Variants in PDCD6 observed in about 807,000 individuals in gnomAD.
PDCD6 encodes programmed cell death protein 6.
In PDCD6, 12 loss-of-function variants were observed where a neutral mutation model predicts 28.3. The ratio of observed to expected loss-of-function variants is 0.42; its 90% CI spans 0.27 to 0.69. The LOEUF (loss-of-function observed/expected upper bound fraction) is 0.69, where lower values mean the gene tolerates loss of function less well. Ranked by LOEUF, PDCD6 falls within the 30% of genes least tolerant of loss-of-function variation. The pLI, the probability that PDCD6 is intolerant of heterozygous loss-of-function variation, is 0.22. For missense variants in PDCD6, 226 were observed against 269.9 expected, an observed-to-expected ratio of 0.84 and a Z score of 1.14; for synonymous variants, 92 against 108.0, an observed-to-expected ratio of 0.85 and a Z score of 0.92.
intron 2 of PDCD6, among the ~76,000 whole-genome samples, chr5:292,929 G>A (rs531758891): frequency 9.3e-4 from 142 of 152,324 alleles, no homozygotes; most frequent in African/African-American, 3.2e-3. Flanking sequence ...ACCTCCTGGC[G>A]TGGCCACTGA....
chr5:314,709 A>G lies in PDCD6; in HGVS notation c.*194A>G. ...ACTGTAATAGTAGCTGTATCGTTCT[A>G]ATGCAGACATTGGATTTGGTGACTG... On this transcript the variant is annotated 3_prime_UTR_variant, in exon 6 of 6. Transcript: ENST00000264933. 1 of 671,502 alleles carries G rather than the reference A, an allele frequency of 1.5e-6. No homozygotes were observed. Among genetic ancestry groups the G allele is most frequent in the South Asian group, 1.5e-5 (1 of 65,032 alleles). The allele number at this position is 671,502 out of a possible 1,614,324, so 41.6% of individuals were successfully genotyped here.
chr5:272,815 G>A lies in PDCD6; in HGVS notation c.163+43G>A, dbSNP rs1460193981. 2.6e-6 allele frequency: 4 copies of A among 1,555,846 alleles called. 1 individual carries two copies. Among genetic ancestry groups the A allele is most frequent in the South Asian group, 1.1e-5 (1 of 89,952 alleles). ...AACTGGGTCTCCGGACCAAGAAGCC[G>A]CGAGCCTGCCCTGTTCACAGTGGAT... is the stretch of plus-strand genomic sequence containing the variant. On this transcript the variant is annotated intron_variant, in intron 2 of 5. Coordinates refer to ENST00000264933, the MANE Select transcript of PDCD6 (RefSeq NM_013232.4).
At chr5:276,418 G>A in intron 2 of PDCD6, 1 of 989,102 alleles carries the variant, frequency 1.0e-6, no homozygotes, top group Non-Finnish European at 1.2e-6. Flanking sequence ...CACAAAATTT[G>A]TCCTTGGATA....
rs769040089 is a variant in PDCD6, at chr5:314,425, G to A, written c.486G>A (p.Thr162=). ...IQGCIVLQRL[T]DIFRRYDTDQ... ...GCCTGTTTTCTCCCCAGAGGTTGAC[G>A]GATATATTCAGACGTTACGACACGG... is the stretch of plus-strand genomic sequence containing the variant. Residue 162 remains threonine, a synonymous_variant, in exon 6 of 6, where the codon ACG becomes ACA. Transcript: ENST00000264933. 17 of 1,610,682 alleles carry A rather than the reference G, an allele frequency of 1.1e-5. No homozygotes were observed. Among genetic ancestry groups the A allele is most frequent in the South Asian group, 9.9e-5 (9 of 91,018 alleles).
At chr5:300,159 TG>T (rs1335234945) in intron 2 of PDCD6, among the ~76,000 whole-genome samples, 2 of 152,198 alleles carry the variant, frequency 1.3e-5, no homozygotes, top group African/African-American at 4.8e-5. Flanking sequence ...GCTCCTGCAG[TG>T]TTCTGACTGA....
intron 4 of PDCD6, chr5:308,486 C>A (rs1344477096): frequency 6.6e-6 from 1 of 152,218 alleles, no homozygotes; most frequent in Non-Finnish European, 1.5e-5. Context: ...GGCATCCCAT[C>A]GCAGCATTTT....
chr5:314,830 C>A lies in PDCD6; in HGVS notation c.*315C>A. 1 of 425,288 alleles carries A rather than the reference C, an allele frequency of 2.4e-6. No individual in the cohort carries two copies. Among genetic ancestry groups the A allele is most frequent in the Non-Finnish European group, 4.4e-6 (1 of 226,530 alleles). The allele number at this position is 425,288 out of a possible 1,614,324, so 26.3% of individuals were successfully genotyped here. A position where few individuals can be genotyped will look rare whatever the true frequency, so the allele number is the denominator to read the frequency against. ...TCTAGATGTCTCTGGTTCTATAGTG[C>A]AAATGCTTTTATTAGCCAATAGGAA... On this transcript the variant is annotated 3_prime_UTR_variant, in exon 6 of 6. Transcript: ENST00000264933.
At chr5:286,676 T>A (rs1453109330) in intron 2 of PDCD6, among the ~76,000 whole-genome samples, 1 of 151,856 alleles carries the variant, frequency 6.6e-6, no homozygotes, top group African/African-American at 2.4e-5. Context: ...ATGTTCCCGT[T>A]GGAGAGCCGT....
intron 3 of PDCD6, chr5:306,056 C>G (rs1421568618): frequency 6.4e-6 from 1 of 155,426 alleles, no homozygotes; most frequent in Non-Finnish European, 1.4e-5. Flanking sequence ...TGTATTTGGA[C>G]CTGGAGTTAG....
At chr5:296,193 C>A (rs62346174) in intron 2 of PDCD6, among the ~76,000 whole-genome samples, 5,172 of 152,288 alleles carry the variant, frequency 0.034, 156 homozygotes, top group Middle Eastern at 0.058. Context: ...AACATCAATT[C>A]TCTGGGACAA....
chr5:291,967 A>G (rs1367879595), intron 2 of PDCD6, among the ~76,000 whole-genome samples: 2 of 152,234 alleles, frequency 1.3e-5, no homozygotes, highest in Non-Finnish European at 2.9e-5. Flanking sequence ...AACCCACAAC[A>G]TACTCTTTCA....
Position 273,935 on chromosome 5 carries a change from G to GT in PDCD6, c.163+1177dup, listed in dbSNP as rs34990391. Reference sequence around the variant, plus strand: ...CTCTTTTCATTATTCTTAAATCCTCGTTTTTTTTTTTTTTATTTGCATCTC... The same window carrying GT: ...CTCTTTTCATTATTCTTAAATCCTCGTTTTTTTTTTTTTTTATTTGCATCTC... On this transcript the variant is annotated intron_variant, in intron 2 of 5. Coordinates refer to ENST00000264933, the MANE Select transcript of PDCD6 (RefSeq NM_013232.4). Among the ~76,000 whole-genome samples, 510 of 146,176 alleles carry GT rather than the reference G, an allele frequency of 3.5e-3. 1 individual carries two copies. Among genetic ancestry groups the GT allele is most frequent in the African/African-American group, 7.1e-3 (284 of 40,054 alleles).
Position 305,742 on chromosome 5 carries a change from G to C in PDCD6, c.209-860G>C, listed in dbSNP as rs886828811. 1 of 152,226 alleles carries C rather than the reference G, an allele frequency of 6.6e-6. No individual in the cohort carries two copies. The highest frequency in any genetic ancestry group is 1.5e-5 in the Non-Finnish European group (1 of 68,054). The allele number at this position is 152,226 out of a possible 1,614,324, so 9.4% of individuals were successfully genotyped here. On this transcript the variant is annotated intron_variant, in intron 3 of 5. Transcript: ENST00000264933. The surrounding 1 kb of genome is among the most constrained non-coding windows in gnomAD (Gnocchi z 4.0). ...TGGTCCACACACCACACACGTCGTG[G>C]AACGGTGCACGTCGTGGAACGGTTG...
chr5:292,795 A>G (rs1739390190), intron 2 of PDCD6, among the ~76,000 whole-genome samples: 1 of 152,188 alleles, frequency 6.6e-6, no homozygotes, highest in African/African-American at 2.4e-5. Context: ...GGGGATTAGC[A>G]GAGGATTTAA....
At chr5:301,435 G>A (rs1301305868) in intron 2 of PDCD6, among the ~76,000 whole-genome samples, 2 of 152,186 alleles carry the variant, frequency 1.3e-5, no homozygotes, top group Non-Finnish European at 2.9e-5. Flanking sequence ...GCCTATCTTT[G>A]CTTTTTGTAA....
Position 304,156 on chromosome 5 carries a change from CCTG to C in PDCD6, c.164-20_164-18del. Reference sequence around the variant, plus strand: ...GAAAGATTTTCCTTTTACTTTAACTCCTGTTGTTGTTTGTTTTCAGGCACGTGG... The same window carrying C: ...GAAAGATTTTCCTTTTACTTTAACTCTTGTTGTTTGTTTTCAGGCACGTGG... On this transcript the variant is annotated intron_variant, in intron 2 of 5. Transcript: ENST00000264933. 7.7e-7 allele frequency: 1 copy of C among 1,295,262 alleles called. No individual in the cohort carries two copies. Among genetic ancestry groups the C allele is most frequent in the Non-Finnish European group, 1.1e-6 (1 of 921,478 alleles). The allele number at this position is 1,295,262 out of a possible 1,614,324, so 80.2% of individuals were successfully genotyped here. A position where few individuals can be genotyped will look rare whatever the true frequency, so the allele number is the denominator to read the frequency against.
chr5:300,239 A>G (rs1205884123), intron 2 of PDCD6, among the ~76,000 whole-genome samples: 4 of 152,194 alleles, frequency 2.6e-5, no homozygotes, highest in Non-Finnish European at 5.9e-5. Flanking sequence ...TGGATGGCAA[A>G]CACCTGCTTT....
intron 2 of PDCD6, among the ~76,000 whole-genome samples, chr5:287,532 T>C (rs951457139): frequency 6.6e-6 from 1 of 152,084 alleles, no homozygotes; most frequent in South Asian, 2.1e-4. Context: ...TAAATGATAT[T>C]GGTATAATAA....
At chr5:311,228 G>C (rs1740893035) in intron 4 of PDCD6, 65 bp from the exon 5 acceptor site, 1 of 1,214,016 alleles carries the variant, frequency 8.2e-7, no homozygotes, top group African/African-American at 1.5e-5. Flanking sequence ...GGCAGGAGGG[G>C]TGAGTGTTGG....
Sources: allele counts gnomAD v4.1 joint callset (sites outside exome capture counted in the v4.1 genomes callset), GRCh38; gene constraint gnomAD v4.1.1; non-coding constraint Gnocchi (gnomAD v3.1); transcripts MANE v1.5; gene names NCBI Gene and HGNC (gene_info 2026-07-23, HGNC 2026-07-21).